The following COL17A1 variants were observed in gnomAD, a reference collection of about 807,000 sequenced individuals.
COL17A1 encodes the protein collagen type XVII alpha 1 chain.
Under a neutral mutation model 218.4 loss-of-function variants are expected in COL17A1, and 181 were observed. The observed-to-expected ratio is 0.83, with a 90% CI of 0.73 to 0.94. The LOEUF (loss-of-function observed/expected upper bound fraction) is 0.94. Ranked by LOEUF, COL17A1 falls within the 40% of genes least tolerant of loss-of-function variation. The pLI, the probability that COL17A1 is intolerant of heterozygous loss-of-function variation, is 0.00. For missense variants in COL17A1, 1,924 were observed against 1,945.9 expected (o/e 0.99, Z 0.21); for synonymous variants, 721 against 731.0 (o/e 0.99, Z 0.22).
At chr10:104,078,728 G>C in intron 2 of COL17A1, 142 bp from the exon 3 acceptor site, 1 of 1,146,218 alleles carries the variant, frequency 8.7e-7, no homozygotes, top group African/African-American at 1.5e-5. Context: ...TTTAAGGTGT[G>C]TGATCTGACC....
intron 8 of COL17A1, among the ~76,000 whole-genome samples, chr10:104,071,019 A>T (rs1259024868): frequency 6.6e-6 from 1 of 152,224 alleles, no homozygotes; most frequent in African/African-American, 2.4e-5. Context: ...TCTGTGGGCC[A>T]TAACTCCTAA....
chr10:104,078,374 A>C (rs939334049), intron 3 of COL17A1, among the ~76,000 whole-genome samples, 168 bp downstream of exon 3: 1 of 152,158 alleles, frequency 6.6e-6, no homozygotes, highest in Admixed American at 6.5e-5. Context: ...ACTAGCAATC[A>C]CTGAATTATA....
At chr10:104,055,633 A>G (rs1305235039) in intron 18 of COL17A1, 149 bp downstream of exon 18, 1 of 1,234,606 alleles carries the variant, frequency 8.1e-7, no homozygotes, top group Non-Finnish European at 1.1e-6. Flanking sequence ...GGTCCCACCT[A>G]CCTCTCAGCG....
intron 31 of COL17A1, among the ~76,000 whole-genome samples, 179 bp downstream of exon 31, chr10:104,047,560 A>C (rs1376112277): frequency 6.6e-6 from 1 of 152,184 alleles, no homozygotes; most frequent in Non-Finnish European, 1.5e-5. Flanking sequence ...AAACGGGATA[A>C]GGCACACATG....
chr10:104,072,215 G>T, intron 7 of COL17A1, 136 bp from the exon 8 acceptor site: 1 of 1,351,274 alleles, frequency 7.4e-7, no homozygotes, highest in Non-Finnish European at 1.0e-6. Context: ...AAATCTAGGT[G>T]TGCCCAAGAA....
At chr10:104,069,735 G>A (rs988225873) in intron 9 of COL17A1, among the ~76,000 whole-genome samples, 1 of 151,658 alleles carries the variant, frequency 6.6e-6, no homozygotes, top group Non-Finnish European at 1.5e-5. Flanking sequence ...CTCAAACCCC[G>A]CCTCTTGAGT....
At chr10:104,039,776 ACACACACACACACACACACG>A (rs929869610) in intron 41 of COL17A1, 136 bp from the exon 42 acceptor site, 1 of 1,012,646 alleles carries the variant, frequency 9.9e-7, no homozygotes, top group Non-Finnish European at 1.5e-6. Context: ...CCACACACAC[ACACACACACACACACACACG>A]CACACGCACA....
In COL17A1 at chr10:104,040,419, G is replaced by A; in HGVS notation, c.2702-9C>T. 1 of 1,601,870 alleles carries A rather than the reference G, an allele frequency of 6.2e-7. No individual in the cohort carries two copies. The highest frequency in any genetic ancestry group is 8.6e-7 in the Non-Finnish European group (1 of 1,169,334). On this transcript the variant is annotated splice_polypyrimidine_tract_variant and intron_variant, in intron 39 of 55. Transcript: ENST00000648076. Reference sequence around the variant, plus strand: ...GCCGGAGAGGAAGGTTTCTGCAGAGGAAGGAAATAGTTTGAGTATGGACAC... The same window carrying A: ...GCCGGAGAGGAAGGTTTCTGCAGAGAAAGGAAATAGTTTGAGTATGGACAC...
intron 7 of COL17A1, among the ~76,000 whole-genome samples, chr10:104,072,643 G>T (rs903937748): frequency 8.5e-5 from 13 of 152,134 alleles, no homozygotes; most frequent in African/African-American, 2.4e-4. Flanking sequence ...AAGTCTAGGT[G>T]GGTCATTGTG....
Position 104,080,760 on chromosome 10 carries a change from C to G in COL17A1, c.-11-76G>C, listed in dbSNP as rs2086758012. 4.1e-6 allele frequency: 6 copies of G among 1,446,748 alleles called. No homozygotes were observed. In the South Asian group the frequency reaches 7.1e-5, roughly 17 times the overall value. 89.6% of individuals were successfully genotyped at this position (1,446,748 alleles called of 1,614,324 possible). A position where few individuals can be genotyped will look rare whatever the true frequency, so the allele number is the denominator to read the frequency against. On this transcript the variant is annotated intron_variant, in intron 1 of 55. Transcript: ENST00000648076. ...TAATTATAGGTCCCCACTGTTGAAGCTGATAACCAAAAACATGATTTCAAG... is the reference window on the plus strand; with the variant it reads ...TAATTATAGGTCCCCACTGTTGAAGGTGATAACCAAAAACATGATTTCAAG...
At chr10:104,067,434 A>G (rs1456660099) in intron 9 of COL17A1, among the ~76,000 whole-genome samples, 1 of 152,066 alleles carries the variant, frequency 6.6e-6, no homozygotes, top group Non-Finnish European at 1.5e-5. Context: ...CTGGCCTGAT[A>G]TTACTAAGAA....
At position 104,054,089 on chromosome 10, in the gene COL17A1, T is replaced by C. The variant is rs1315347026; in HGVS notation, c.1771+3A>G. On this transcript the variant is annotated splice_donor_region_variant and intron_variant, in intron 21 of 55. Coordinates refer to ENST00000648076, the MANE Select transcript of COL17A1 (RefSeq NM_000494.4). ...GGCCTGGAGGTCATCAGAGAGTACA[T>C]ACCTGGAGTCCCAGGGAACCCTCGA... The C allele has an allele frequency of 1.2e-6, 2 of 1,612,586 alleles. No homozygotes were observed. Among genetic ancestry groups the C allele is most frequent in the Non-Finnish European group, 1.7e-6 (2 of 1,179,386 alleles).
At chr10:104,046,399 A>G (rs1271308793) in intron 32 of COL17A1, among the ~76,000 whole-genome samples, 1 of 152,176 alleles carries the variant, frequency 6.6e-6, no homozygotes, top group Non-Finnish European at 1.5e-5. Context: ...ATGCCCTGTC[A>G]TGCCAGTGGG....
intron 9 of COL17A1, among the ~76,000 whole-genome samples, chr10:104,067,423 G>C (rs2086636034): frequency 6.7e-6 from 1 of 150,204 alleles, no homozygotes; most frequent in Non-Finnish European, 1.5e-5. Context: ...ATGACTAAAA[G>C]CTGGCCTGAT....
chr10:104,076,446 G>A lies in COL17A1; in HGVS notation c.203-17C>T. ...TGCTTCCAGCTGCAAGAGGGAAAAA[G>A]CATAAGTTCTCAGTGCTTCAGCAGA... On this transcript the variant is annotated splice_polypyrimidine_tract_variant and intron_variant, in intron 4 of 55. Coordinates refer to ENST00000648076, the MANE Select transcript of COL17A1 (RefSeq NM_000494.4). 1 of 1,613,798 alleles carries A rather than the reference G, an allele frequency of 6.2e-7. No individual in the cohort carries two copies. Among genetic ancestry groups the A allele is most frequent in the Non-Finnish European group, 8.5e-7 (1 of 1,179,794 alleles).
rs9425 is a variant in COL17A1, at chr10:104,031,597, C to T, written c.*638G>A. ...ATCCATGAACTCTAGTATGGGCCTA[C>T]GGACAATCATAGCTACAATCAGACT... On this transcript the variant is annotated 3_prime_UTR_variant, in exon 56 of 56. Transcript: ENST00000648076. The T allele has an allele frequency of 0.2, 30,021 of 153,578 alleles. 3,153 individuals are homozygous for T. The highest frequency in any genetic ancestry group is 0.26 in the African/African-American group (10,684 of 41,454). The allele number at this position is 153,578 out of a possible 1,614,324, so 9.5% of individuals were successfully genotyped here. A position where few individuals can be genotyped will look rare whatever the true frequency, so the allele number is the denominator to read the frequency against.
At chr10:104,041,630 G>T in intron 36 of COL17A1, 92 bp from the exon 37 acceptor site, 4 of 1,077,610 alleles carry the variant, frequency 3.7e-6, no homozygotes, top group Non-Finnish European at 5.6e-6. Context: ...GCAGTTCCAG[G>T]CACTCCAGGC....
intron 20 of COL17A1, among the ~76,000 whole-genome samples, chr10:104,054,526 G>T (rs1281620589): frequency 6.6e-6 from 1 of 152,088 alleles, no homozygotes; most frequent in Admixed American, 6.5e-5. Context: ...TGAAGGGAAA[G>T]AAGAGACTCG....
chr10:104,033,829 C>CCCTG (rs2086241440), intron 52 of COL17A1, 116 bp downstream of exon 52: 1 of 1,500,510 alleles, frequency 6.7e-7, no homozygotes, highest in African/African-American at 1.4e-5. Flanking sequence ...CCCCTCCAGC[C>CCCTG]CCTGCCTGCT....
Sources: gnomAD v4.1 joint callset for allele counts (sites outside exome capture counted in the v4.1 genomes callset) on GRCh38, gnomAD v4.1.1 for gene constraint, MANE v1.5 for transcripts, NCBI Gene and HGNC (gene_info 2026-07-23, HGNC 2026-07-21) for gene names.